The following AGAP1 variants were observed in gnomAD, a reference collection of about 807,000 sequenced individuals.
The protein encoded by AGAP1 is ArfGAP with GTPase domain, ankyrin repeat and PH domain 1.
A neutral mutation model predicts 105.3 loss-of-function variants in AGAP1; 29 were observed. The observed-to-expected ratio is 0.28, with a 90% confidence interval of 0.21 to 0.38. The LOEUF is 0.38. Ranked by LOEUF, AGAP1 falls within the 10% of genes least tolerant of loss-of-function variation. The pLI, the probability that AGAP1 is intolerant of heterozygous loss-of-function variation, is 1.00. For missense variants in AGAP1, 998 were observed against 1,165.1 expected, an observed-to-expected ratio of 0.86 and a Z score of 2.09; for synonymous variants, 509 against 485.9, an observed-to-expected ratio of 1.05 and a Z score of -0.63.
rs372728821 is a variant in AGAP1, at chr2:235,578,120, G to A, written c.163+83271G>A. 4.9e-4 allele frequency among the ~76,000 whole-genome samples: 75 copies of A among 152,240 alleles called. No individual in the cohort carries two copies. Among genetic ancestry groups the A allele is most frequent in the Admixed American group, 1.2e-3 (19 of 15,288 alleles). ...AGCAGAGACAAGAGTTCCAGGGCGA[G>A]CCTCAGTTCTGGGACCACCATTGAC... On this transcript the variant is annotated intron_variant, in intron 1 of 17. Transcript: ENST00000304032. The surrounding 1 kb of genome is among the most constrained non-coding windows in gnomAD (Gnocchi z 4.9).
chr2:235,889,108 G>T lies in AGAP1; in HGVS notation c.1155+5659G>T, dbSNP rs942749450. 6.6e-6 allele frequency among the ~76,000 whole-genome samples: 1 copy of T among 152,200 alleles called. No individual in the cohort carries two copies. The highest frequency in any genetic ancestry group is 2.4e-5 in the African/African-American group (1 of 41,452). On this transcript the variant is annotated intron_variant, in intron 10 of 17. Transcript: ENST00000304032. This position sits in a 1 kb window ranked among gnomAD's most constrained non-coding sequence, Gnocchi z 4.6. ...GATCACCTTTGGACACGAACTTCAA[G>T]TATCAGTCCCAGACAGATGTTTTCC...
Position 236,000,586 on chromosome 2 carries a change from C to T in AGAP1, c.1645+31963C>T, listed in dbSNP as rs369374158. 2.2e-4 allele frequency among the ~76,000 whole-genome samples: 34 copies of T among 152,214 alleles called. 1 individual carries two copies. In the South Asian group the frequency reaches 3.9e-3, roughly 18 times the overall value. On this transcript the variant is annotated intron_variant, in intron 13 of 17. Transcript: ENST00000304032. The surrounding 1 kb of genome is among the most constrained non-coding windows in gnomAD (Gnocchi z 4.3). ...GCACCTGCTCTGTGCAGAGGCTGGGCGAACACCAGCCCGAGCCTGACTTAA... is the reference window on the plus strand; with the variant it reads ...GCACCTGCTCTGTGCAGAGGCTGGGTGAACACCAGCCCGAGCCTGACTTAA...
chr2:235,822,118 A>C (rs2106291313), intron 9 of AGAP1, among the ~76,000 whole-genome samples: 1 of 152,266 alleles, frequency 6.6e-6, no homozygotes, highest in East Asian at 1.9e-4. Flanking sequence ...CCATTTGATA[A>C]AGTTAGGGAT....
Position 236,124,197 on chromosome 2 carries a change from C to T in AGAP1, c.*75C>T, listed in dbSNP as rs1293179592. On this transcript the variant is annotated 3_prime_UTR_variant, in exon 18 of 18. Transcript: ENST00000304032. The surrounding 1 kb of genome is among the most constrained non-coding windows in gnomAD (Gnocchi z 5.1). ...CCGCATTCTCGCTCAGAAGTCGCAG[C>T]ACGTGAGTCCCGTCGCATCCCCTCC... The T allele has an allele frequency of 2.7e-6, 4 of 1,493,668 alleles. No homozygotes were observed. In the African/African-American group the frequency reaches 5.5e-5, roughly 21 times the overall value. 92.5% of individuals were successfully genotyped at this position (1,493,668 alleles called of 1,614,324 possible). A position where few individuals can be genotyped will look rare whatever the true frequency, so the allele number is the denominator to read the frequency against.
Position 235,741,034 on chromosome 2 carries a change from C to A in AGAP1, c.382C>A (p.Pro128Thr), listed in dbSNP as rs1559420031. ...GCTGCTGATCAGAGATGAAGGGGGC[C>A]CCCCGGAGGCGCAGGTGAGTATACA... ...YLLLIRDEGG[P>T]PEAQFAMWVD... is the part of the protein sequence containing the mutation. Residue 128 changes from proline to threonine, a missense_variant, in exon 4 of 18, where the codon CCC becomes ACC. Around this residue, in one of 3 missense-constraint regions of AGAP1, gnomAD observed 735 missense variants for 833.4 expected, o/e 0.88. Coordinates refer to ENST00000304032, the MANE Select transcript of AGAP1 (RefSeq NM_001037131.3). This position sits in a 1 kb window ranked among gnomAD's most constrained non-coding sequence, Gnocchi z 4.9. 1 of 1,613,960 alleles carries A rather than the reference C, an allele frequency of 6.2e-7. No homozygotes were observed. Among genetic ancestry groups the A allele is most frequent in the Non-Finnish European group, 8.5e-7 (1 of 1,179,900 alleles).
At position 235,577,286 on chromosome 2, in the gene AGAP1, ACTGATGCTTTGGGTGGTG is replaced by A. The variant is rs1179792397; in HGVS notation, c.163+82441_163+82458del. On this transcript the variant is annotated intron_variant, in intron 1 of 17. Coordinates refer to ENST00000304032, the MANE Select transcript of AGAP1 (RefSeq NM_001037131.3). This position sits in a 1 kb window ranked among gnomAD's most constrained non-coding sequence, Gnocchi z 4.5. The stretch of plus-strand genomic sequence containing the variant: ...GAGGTTTGCTATAATCCTGTTTGGT[ACTGATGCTTTGGGTGGTG>A]CTGTGTAATGTTCATTCATCGCACA... 2.0e-5 allele frequency among the ~76,000 whole-genome samples: 3 copies of A among 152,222 alleles called. No homozygotes were observed. Among genetic ancestry groups the A allele is most frequent in the African/African-American group, 7.2e-5 (3 of 41,448 alleles).
rs550604226 is a variant in AGAP1 at position 236,009,816 on chromosome 2, G to A, written c.1646-26745G>A. On this transcript the variant is annotated intron_variant, in intron 13 of 17. Transcript: ENST00000304032. The surrounding 1 kb of genome is among the most constrained non-coding windows in gnomAD (Gnocchi z 4.2). ...CTTGGACGTCCAACATGGCTGACGCGCCTTGGACACACAGCCTCGGCGCTG... is the reference window on the plus strand; with the variant it reads ...CTTGGACGTCCAACATGGCTGACGCACCTTGGACACACAGCCTCGGCGCTG... Among the ~76,000 whole-genome samples, 46 of 152,252 alleles carry A rather than the reference G, an allele frequency of 3.0e-4. No homozygotes were observed. Among genetic ancestry groups the A allele is most frequent in the African/African-American group, 9.4e-4 (39 of 41,552 alleles).
intron 9 of AGAP1, among the ~76,000 whole-genome samples, chr2:235,876,216 A>G (rs2049719204): frequency 1.3e-5 from 2 of 152,190 alleles, no homozygotes; most frequent in South Asian, 4.1e-4. Flanking sequence ...GCTTTTTACT[A>G]TCAATTTATG....
At chr2:235,998,907 A>G (rs1013020783) in intron 13 of AGAP1, among the ~76,000 whole-genome samples, 1 of 149,672 alleles carries the variant, frequency 6.7e-6, no homozygotes, top group Non-Finnish European at 1.5e-5. Flanking sequence ...GGTGACGGCA[A>G]TGACGATGAT....
At chr2:235,926,527 C>G (rs902955618) in intron 11 of AGAP1, among the ~76,000 whole-genome samples, 2 of 152,226 alleles carry the variant, frequency 1.3e-5, no homozygotes, top group Non-Finnish European at 2.9e-5. Flanking sequence ...ATCCCAGAAA[C>G]AATATTTCTG....
chr2:235,822,388 G>A (rs1247770224), intron 9 of AGAP1, among the ~76,000 whole-genome samples: 1 of 152,146 alleles, frequency 6.6e-6, no homozygotes, highest in Non-Finnish European at 1.5e-5. Flanking sequence ...AGAAGCCCAG[G>A]AGCGAGGAGG....
In AGAP1 at chr2:236,130,607, G is replaced by A. The variant is rs527328632; in HGVS notation, c.*6485G>A. 2 of 152,422 alleles carry A rather than the reference G, an allele frequency of 1.3e-5. No individual in the cohort carries two copies. The highest frequency in any genetic ancestry group is 4.8e-5 in the African/African-American group (2 of 41,430). The allele number at this position is 152,422 out of a possible 1,614,324, so 9.4% of individuals were successfully genotyped here. On this transcript the variant is annotated 3_prime_UTR_variant, in exon 18 of 18. Transcript: ENST00000304032. The surrounding 1 kb of genome is among the most constrained non-coding windows in gnomAD (Gnocchi z 5.8). Reference sequence around the variant, plus strand: ...AACAGAAGACACTGGAAGCCCACTCGGTCAGCAGCTGGGCATGAGGATGTC... The same window carrying A: ...AACAGAAGACACTGGAAGCCCACTCAGTCAGCAGCTGGGCATGAGGATGTC...
At chr2:235,909,058 C>A in intron 11 of AGAP1, 152 bp downstream of exon 11, 1 of 798,166 alleles carries the variant, frequency 1.3e-6, no homozygotes, top group Non-Finnish European at 1.9e-6. Context: ...TGTGGCTGAT[C>A]ATTTCCTTTA....
Position 235,610,350 on chromosome 2 carries a change from G to T in AGAP1, c.164-98829G>T, listed in dbSNP as rs946401275. Among the ~76,000 whole-genome samples the T allele has an allele frequency of 6.6e-6, 1 of 152,124 alleles. No individual in the cohort carries two copies. The highest frequency in any genetic ancestry group is 1.5e-5 in the Non-Finnish European group (1 of 68,028). The stretch of plus-strand genomic sequence containing the variant: ...GCCATAACAAAATACCAGACGCTGG[G>T]TGCCTTAAACCACAGAAATGCATTT... On this transcript the variant is annotated intron_variant, in intron 1 of 17. Coordinates refer to ENST00000304032, the MANE Select transcript of AGAP1 (RefSeq NM_001037131.3). The surrounding 1 kb of genome is among the most constrained non-coding windows in gnomAD (Gnocchi z 4.9).
Position 235,618,712 on chromosome 2 carries a change from G to T in AGAP1, c.164-90467G>T, listed in dbSNP as rs1156999679. ...TATTATTACTGAGCTCTTGTTATGT[G>T]GTATGTATAATCTTATTTAACCCTC... On this transcript the variant is annotated intron_variant, in intron 1 of 17. Transcript: ENST00000304032. Among the ~76,000 whole-genome samples the T allele has an allele frequency of 2.0e-5, 3 of 152,200 alleles. No homozygotes were observed. The East Asian group carries it at 5.8e-4, about 29-fold the overall frequency.
intron 12 of AGAP1, among the ~76,000 whole-genome samples, chr2:235,938,583 A>G (rs1250364917): frequency 6.6e-6 from 1 of 152,228 alleles, no homozygotes; most frequent in East Asian, 1.9e-4. Flanking sequence ...AGTACAGATA[A>G]TGGAACAGGA....
rs1329454716 is a variant in AGAP1 at position 235,586,998 on chromosome 2, C to T, written c.163+92149C>T. On this transcript the variant is annotated intron_variant, in intron 1 of 17. Transcript: ENST00000304032. This position sits in a 1 kb window ranked among gnomAD's most constrained non-coding sequence, Gnocchi z 4.2. ...TCCCATGAAAACAAACACATTTACT[C>T]TGTCTAGCTCCATCTCTAGTTAATT... Among the ~76,000 whole-genome samples, 1 of 152,220 alleles carries T rather than the reference C, an allele frequency of 6.6e-6. No homozygotes were observed. Among genetic ancestry groups the T allele is most frequent in the East Asian group, 1.9e-4 (1 of 5,192 alleles).
Position 235,817,834 on chromosome 2 carries a change from T to A in AGAP1, c.1050+10503T>A, listed in dbSNP as rs549951210. 4.6e-5 allele frequency among the ~76,000 whole-genome samples: 7 copies of A among 152,248 alleles called. No individual in the cohort carries two copies. The South Asian group carries it at 1.4e-3, about 31-fold the overall frequency. ...TGAACCCGGGACGGGGAGGTTGCAG[T>A]GGGCTGCGATCGCACCACTGCACTC... On this transcript the variant is annotated intron_variant, in intron 9 of 17. Transcript: ENST00000304032.
intron 9 of AGAP1, among the ~76,000 whole-genome samples, chr2:235,812,662 G>A (rs1958216431): frequency 6.6e-6 from 1 of 152,266 alleles, no homozygotes; most frequent in Non-Finnish European, 1.5e-5. Context: ...GCTGAAACTT[G>A]ATAGAGATCG....
Sources: allele counts gnomAD v4.1 joint callset (sites outside exome capture counted in the v4.1 genomes callset), GRCh38; gene constraint gnomAD v4.1.1; regional missense constraint gnomAD v4.1.1; non-coding constraint Gnocchi (gnomAD v3.1); transcripts MANE v1.5; gene names NCBI Gene and HGNC (gene_info 2026-07-23, HGNC 2026-07-21).